Variants in ZFPM2 observed in about 807,000 individuals in gnomAD.
ZFPM2 encodes zinc finger protein ZFPM2.
A neutral mutation model predicts 98.6 loss-of-function variants in ZFPM2; 20 were observed. The observed-to-expected ratio is 0.20, with a 90% confidence interval of 0.14 to 0.29. The LOEUF (loss-of-function observed/expected upper bound fraction) is 0.29, where lower values mean the gene tolerates loss of function less well. ZFPM2 is among the 10% of genes least tolerant of loss of function. The pLI is 1.00. For missense variants in ZFPM2, 1,310 were observed against 1,388.6 expected (o/e 0.94, Z 0.90); for synonymous variants, 518 against 502.7 (o/e 1.03, Z -0.41).
At chr8:105,435,769 A>T (rs1439250854) in intron 2 of ZFPM2, among the ~76,000 whole-genome samples, 1 of 151,870 alleles carries the variant, frequency 6.6e-6, no homozygotes, top group East Asian at 1.9e-4. Context: ...ATGAGAATAT[A>T]TTGGAAGTAA....
intron 3 of ZFPM2, among the ~76,000 whole-genome samples, chr8:105,506,849 G>A (rs773312846): frequency 1.1e-4 from 17 of 151,670 alleles, no homozygotes; most frequent in Admixed American, 2.0e-4. Flanking sequence ...TTAGCCAGGT[G>A]TAGTGGCGGG....
chr8:105,516,064 T>G (rs1813915319), intron 3 of ZFPM2, among the ~76,000 whole-genome samples: 1 of 151,904 alleles, frequency 6.6e-6, no homozygotes, highest in African/African-American at 2.4e-5. Flanking sequence ...TACCTGGGAT[T>G]GCAGGCGCCC....
intron 4 of ZFPM2, among the ~76,000 whole-genome samples, chr8:105,568,542 T>C (rs1030608384): frequency 1.3e-5 from 2 of 152,194 alleles, no homozygotes; most frequent in African/African-American, 4.8e-5. Context: ...CTCCATTTCA[T>C]GTCCAGAAAC....
At chr8:105,438,273 G>A (rs1039453014) in intron 2 of ZFPM2, among the ~76,000 whole-genome samples, 1 of 152,112 alleles carries the variant, frequency 6.6e-6, no homozygotes, top group African/African-American at 2.4e-5. Flanking sequence ...CCAGCTTGCA[G>A]CTCCCTATCA....
chr8:105,641,119 A>C (rs1439924248), intron 5 of ZFPM2, among the ~76,000 whole-genome samples: 1 of 152,078 alleles, frequency 6.6e-6, no homozygotes, highest in Non-Finnish European at 1.5e-5. Context: ...ACAACTGGAT[A>C]ATAACCAAAC....
chr8:105,557,476 C>T (rs1055783541), intron 3 of ZFPM2, among the ~76,000 whole-genome samples: 25 of 152,156 alleles, frequency 1.6e-4, no homozygotes, highest in African/African-American at 6.0e-4. Context: ...TCAACAGGAA[C>T]ATGGCCATTG....
intron 4 of ZFPM2, among the ~76,000 whole-genome samples, chr8:105,562,103 C>T (rs1240339860): frequency 2.6e-5 from 4 of 151,672 alleles, no homozygotes; most frequent in South Asian, 2.1e-4. Flanking sequence ...GTCAGGAGTT[C>T]GAGACCAGCT....
chr8:105,520,557 T>A (rs1814030752), intron 3 of ZFPM2, among the ~76,000 whole-genome samples: 1 of 152,102 alleles, frequency 6.6e-6, no homozygotes, highest in African/African-American at 2.4e-5. Context: ...TATTTATATA[T>A]GTATAGATGA....
chr8:105,682,533 G>T (rs1810631285), intron 5 of ZFPM2, among the ~76,000 whole-genome samples: 1 of 152,136 alleles, frequency 6.6e-6, no homozygotes, highest in African/African-American at 2.4e-5. Context: ...GAAAACTATT[G>T]GAGAGTTTGG....
At chr8:105,790,987 G>T (rs926925087) in intron 6 of ZFPM2, among the ~76,000 whole-genome samples, 16 of 152,150 alleles carry the variant, frequency 1.1e-4, no homozygotes, top group Admixed American at 5.9e-4. Context: ...AAGGAGATTT[G>T]GGGCTGAGAC....
chr8:105,320,256 T>TGTGTGTGTG (rs1811999090), intron 1 of ZFPM2, among the ~76,000 whole-genome samples: 7 of 142,262 alleles, frequency 4.9e-5, no homozygotes, highest in Non-Finnish European at 9.2e-5. Flanking sequence ...ATTCAGATCT[T>TGTGTGTGTG]TGTGTGTGTG....
intron 2 of ZFPM2, among the ~76,000 whole-genome samples, chr8:105,436,919 T>C (rs1167905922): frequency 6.6e-6 from 1 of 152,252 alleles, no homozygotes; most frequent in African/African-American, 2.4e-5. Flanking sequence ...CTATACCTTA[T>C]TCATCTTTAT....
chr8:105,677,579 T>C (rs1269800695), intron 5 of ZFPM2, among the ~76,000 whole-genome samples: 1 of 152,120 alleles, frequency 6.6e-6, no homozygotes, highest in Non-Finnish European at 1.5e-5. Context: ...TAGAGGGTTT[T>C]TTTTTTTAAG....
chr8:105,507,800 C>G (rs1189456483), intron 3 of ZFPM2, among the ~76,000 whole-genome samples: 1 of 152,072 alleles, frequency 6.6e-6, no homozygotes, highest in Non-Finnish European at 1.5e-5. Flanking sequence ...AACAGTAACC[C>G]CACCACTCCC....
chr8:105,634,109 A>C, intron 4 of ZFPM2, 137 bp from the exon 5 acceptor site: 2 of 628,590 alleles, frequency 3.2e-6, no homozygotes, highest in Non-Finnish European at 5.5e-6. Context: ...AGATATCATG[A>C]GACAGGGGAA....
intron 4 of ZFPM2, among the ~76,000 whole-genome samples, chr8:105,617,557 A>G (rs796409892): frequency 2.0e-5 from 3 of 152,294 alleles, no homozygotes; most frequent in African/African-American, 7.2e-5. Flanking sequence ...AGGAATGAAG[A>G]CCGGCCAGAC....
chr8:105,686,074 CCTTAAACTTTATTGAATTTCTATATTT>C (rs1298152988), intron 5 of ZFPM2, among the ~76,000 whole-genome samples: 1 of 152,020 alleles, frequency 6.6e-6, no homozygotes, highest in Non-Finnish European at 1.5e-5. Context: ...TTGATAAACA[CCTTAAACTTTATTGAATTTCTATATTT>C]CTGTACTAAG....
At chr8:105,465,457 T>C (rs1812780679) in intron 3 of ZFPM2, among the ~76,000 whole-genome samples, 1 of 151,916 alleles carries the variant, frequency 6.6e-6, no homozygotes, top group African/African-American at 2.4e-5. Context: ...GCATCTTTTA[T>C]TTAGTATAAA....
Position 105,407,834 on chromosome 8 carries a change from T to A in ZFPM2, c.41-11310T>A, listed in dbSNP as rs139062889. Among the ~76,000 whole-genome samples, 216 of 152,062 alleles carry A rather than the reference T, an allele frequency of 1.4e-3. 2 individuals are homozygous for A. Among genetic ancestry groups the A allele is most frequent in the Admixed American group, 0.01 (157 of 15,228 alleles). On this transcript the variant is annotated intron_variant, in intron 1 of 7. Transcript: ENST00000407775. Reference sequence around the variant, plus strand: ...AGGGAGAAAATGAAATTCTGTTCAATTGGAAAAGAATCTACTAAGCCTGGT... The same window carrying A: ...AGGGAGAAAATGAAATTCTGTTCAAATGGAAAAGAATCTACTAAGCCTGGT...
Sources: allele counts gnomAD v4.1 joint callset (sites outside exome capture counted in the v4.1 genomes callset), GRCh38; gene constraint gnomAD v4.1.1; transcripts MANE v1.5; gene names NCBI Gene and HGNC (gene_info 2026-07-23, HGNC 2026-07-21).